The following LARS2 variants were observed in gnomAD, a reference collection of about 807,000 sequenced individuals.
LARS2 encodes leucine--tRNA ligase, mitochondrial.
LARS2 carries 81 observed loss-of-function variants against 116.6 expected under a neutral mutation model. That is an observed-to-expected ratio of 0.69 (90% confidence interval 0.58 to 0.84). The LOEUF is 0.84. LARS2 is among the 40% of genes least tolerant of loss of function. The pLI, the probability that LARS2 is intolerant of heterozygous loss-of-function variation, is 0.00. For missense variants in LARS2, 968 were observed against 1,114.5 expected (o/e 0.87, Z 1.87); for synonymous variants, 396 against 407.2 (o/e 0.97, Z 0.33).
chr3:45,424,711 T>G (rs1698565686), intron 6 of LARS2, among the ~76,000 whole-genome samples: 1 of 152,246 alleles, frequency 6.6e-6, no homozygotes, highest in Non-Finnish European at 1.5e-5. Flanking sequence ...TTTTCCATTT[T>G]TCGTCAGAGT....
chr3:45,531,253 A>T (rs1237460093), intron 20 of LARS2, among the ~76,000 whole-genome samples: 1 of 152,250 alleles, frequency 6.6e-6, no homozygotes, highest in African/African-American at 2.4e-5. Context: ...AAAAACTATA[A>T]GAAAGAATTA....
intron 16 of LARS2, among the ~76,000 whole-genome samples, chr3:45,514,587 G>C (rs1251738697): frequency 1.3e-5 from 2 of 152,198 alleles, no homozygotes; most frequent in Non-Finnish European, 2.9e-5. Context: ...AACAGGCAAG[G>C]CTGCCCATGT....
At chr3:45,539,011 C>T (rs143138398) in intron 20 of LARS2, among the ~76,000 whole-genome samples, 1 of 152,198 alleles carries the variant, frequency 6.6e-6, no homozygotes, top group East Asian at 1.9e-4. Flanking sequence ...TTGAGTAGCT[C>T]AGAAGTGAAC....
At chr3:45,501,733 A>C (rs897038892) in intron 15 of LARS2, among the ~76,000 whole-genome samples, 2 of 152,200 alleles carry the variant, frequency 1.3e-5, no homozygotes, top group African/African-American at 2.4e-5. Flanking sequence ...CACGTGTTCA[A>C]CTGTCTTGAG....
chr3:45,547,604 C>A lies in LARS2; in HGVS notation c.*74C>A. 2 of 1,352,888 alleles carry A rather than the reference C, an allele frequency of 1.5e-6. No homozygotes were observed. Among genetic ancestry groups the A allele is most frequent in the Non-Finnish European group, 2.0e-6 (2 of 980,708 alleles). 83.8% of individuals were successfully genotyped at this position (1,352,888 alleles called of 1,614,324 possible). On this transcript the variant is annotated 3_prime_UTR_variant, in exon 22 of 22. Transcript: ENST00000645846. ...CAGGCCTGGGATGAGGGGGCGATGTCTGCTGGCCCAGGGGAAGGGAAAAGA... is the reference window on the plus strand; with the variant it reads ...CAGGCCTGGGATGAGGGGGCGATGTATGCTGGCCCAGGGGAAGGGAAAAGA...
intron 20 of LARS2, among the ~76,000 whole-genome samples, chr3:45,525,608 C>T (rs1261808353): frequency 6.6e-6 from 1 of 152,228 alleles, no homozygotes; most frequent in Non-Finnish European, 1.5e-5. Context: ...CCAACAGATT[C>T]TGCCCTACTT....
At position 45,520,226 on chromosome 3, in the gene LARS2, C is replaced by T; in HGVS notation, c.2222C>T (p.Thr741Ile). The change falls in exon 19 of 22, where the codon ACC becomes ATC. Residue 741 changes from threonine (T) to isoleucine (I), a missense_variant. Physicochemically the swap from Thr to Ile is moderately conservative, Grantham distance 89 (BLOSUM62 -1). Coordinates refer to ENST00000645846, the MANE Select transcript of LARS2 (RefSeq NM_015340.4). Reference protein sequence around the residue: ...YKNSVISQVTTHFTEDFSLNS... With the variant: ...YKNSVISQVTIHFTEDFSLNS... ...TTGAACCTTTACTAATAGGTGACCA[C>T]CCATTTCACAGAGGACTTCTCACTG... 1.2e-6 allele frequency: 2 copies of T among 1,609,798 alleles called. No homozygotes were observed. Among genetic ancestry groups the T allele is most frequent in the Non-Finnish European group, 1.7e-6 (2 of 1,176,270 alleles).
intron 6 of LARS2, among the ~76,000 whole-genome samples, chr3:45,433,724 C>T (rs1370754346): frequency 2.0e-5 from 3 of 152,180 alleles, no homozygotes; most frequent in South Asian, 4.1e-4. Context: ...AAGATTCCTT[C>T]TTTTATTATT....
intron 4 of LARS2, among the ~76,000 whole-genome samples, chr3:45,410,308 CTTTT>C (rs35327145): frequency 1.7e-4 from 23 of 135,740 alleles, no homozygotes; most frequent in Non-Finnish European, 1.8e-4. Flanking sequence ...GCATTGGATT[CTTTT>C]TTTTTTTTTT....
intron 10 of LARS2, among the ~76,000 whole-genome samples, chr3:45,484,630 A>AAAAAAAAAATAT (rs1553634443): frequency 1.0e-4 from 1 of 9,746 alleles, no homozygotes; most frequent in African/African-American, 1.8e-4. Context: ...AAAAAAAAAA[A>AAAAAAAAAATAT]ATATATATAT....
chr3:45,533,550 A>G (rs907594937), intron 20 of LARS2, among the ~76,000 whole-genome samples: 1 of 152,200 alleles, frequency 6.6e-6, no homozygotes, highest in African/African-American at 2.4e-5. Flanking sequence ...TCATCGCAGA[A>G]TATATATTTC....
At chr3:45,405,193 A>G (rs772479919) in intron 4 of LARS2, among the ~76,000 whole-genome samples, 9 of 151,912 alleles carry the variant, frequency 5.9e-5, no homozygotes, top group East Asian at 1.9e-4. Context: ...GCCTCAAGCA[A>G]TCCTCCCATC....
chr3:45,533,481 C>T (rs1033190903), intron 20 of LARS2, among the ~76,000 whole-genome samples: 11 of 152,166 alleles, frequency 7.2e-5, no homozygotes, highest in Admixed American at 7.2e-4. Flanking sequence ...GCTGTTAATT[C>T]TGTCGTAGTC....
intron 20 of LARS2, among the ~76,000 whole-genome samples, chr3:45,540,407 T>C (rs1700773180): frequency 6.6e-6 from 1 of 152,220 alleles, no homozygotes; most frequent in Non-Finnish European, 1.5e-5. Flanking sequence ...CCCAGTGTTA[T>C]TGGGGCTGGT....
intron 7 of LARS2, 27 bp from the exon 8 acceptor site, chr3:45,458,716 T>C: frequency 6.2e-7 from 1 of 1,608,276 alleles, no homozygotes; most frequent in Admixed American, 1.7e-5. Context: ...CACCAGATTG[T>C]GCCATTTTGT....
Position 45,505,646 on chromosome 3 carries a change from G to T in LARS2, c.1760+5067G>T, listed in dbSNP as rs1046900902. Among the ~76,000 whole-genome samples the T allele has an allele frequency of 1.3e-5, 2 of 151,912 alleles. 1 individual carries two copies. Among genetic ancestry groups the T allele is most frequent in the Non-Finnish European group, 2.9e-5 (2 of 67,932 alleles). ...TTCAAGGCTGCAGTGAGCCATGATT[G>T]CCACTGCACGCTAGCCTATGCAACA... On this transcript the variant is annotated intron_variant, in intron 15 of 21. Coordinates refer to ENST00000645846, the MANE Select transcript of LARS2 (RefSeq NM_015340.4).
At chr3:45,401,602 C>A (rs1276100334) in intron 4 of LARS2, among the ~76,000 whole-genome samples, 3 of 152,042 alleles carry the variant, frequency 2.0e-5, no homozygotes, top group Non-Finnish European at 4.4e-5. Context: ...GGCCATTCCT[C>A]TTTACCCCCC....
chr3:45,489,243 T>C (rs920563707), intron 12 of LARS2, among the ~76,000 whole-genome samples: 1 of 152,194 alleles, frequency 6.6e-6, no homozygotes, highest in Non-Finnish European at 1.5e-5. Context: ...GGGTTATCTC[T>C]TGCTAGCATG....
intron 20 of LARS2, among the ~76,000 whole-genome samples, chr3:45,526,028 G>A (rs149530338): frequency 3.0e-4 from 45 of 152,304 alleles, no homozygotes; most frequent in African/African-American, 1.1e-3. Context: ...CAATTATAAG[G>A]ACTTCATGAG....
Sources: allele counts gnomAD v4.1 joint callset (sites outside exome capture counted in the v4.1 genomes callset), GRCh38; gene constraint gnomAD v4.1.1; transcripts MANE v1.5; gene names NCBI Gene and HGNC (gene_info 2026-07-23, HGNC 2026-07-21).